KHDRBS2: variants seen among roughly 807,000 people sequenced by gnomAD.
KHDRBS2 encodes the protein KH RNA binding domain containing, signal transduction associated 2.
KHDRBS2 carries 26 observed loss-of-function variants against 44.3 expected under a neutral mutation model. The observed-to-expected ratio is 0.59, with a 90% CI of 0.43 to 0.81. The LOEUF is 0.81. KHDRBS2 is among the 40% of genes least tolerant of loss of function. KHDRBS2 has a pLI of 0.00. For synonymous variants in KHDRBS2, 194 were observed against 151.1 expected (o/e 1.28, Z -2.08); for missense variants, 476 against 433.1 (o/e 1.10, Z -0.88).
intron 6 of KHDRBS2, among the ~76,000 whole-genome samples, chr6:61,861,614 T>C (rs1796981440): frequency 6.6e-6 from 1 of 151,914 alleles, no homozygotes; most frequent in Non-Finnish European, 1.5e-5. Context: ...TTCAATTACT[T>C]GTAGCCGTGT....
intron 6 of KHDRBS2, among the ~76,000 whole-genome samples, chr6:61,820,914 C>T (rs1427637743): frequency 8.5e-5 from 13 of 152,080 alleles, no homozygotes; most frequent in African/African-American, 7.2e-5. Flanking sequence ...TAGCCATATA[C>T]GTGTGGCACC....
At chr6:62,138,103 G>A (rs1297850313) in intron 2 of KHDRBS2, among the ~76,000 whole-genome samples, 1 of 152,182 alleles carries the variant, frequency 6.6e-6, no homozygotes, top group Non-Finnish European at 1.5e-5. Context: ...AACCACAATT[G>A]ATCACTATAT....
At chr6:61,864,233 G>C (rs1410001281) in intron 6 of KHDRBS2, among the ~76,000 whole-genome samples, 1 of 152,078 alleles carries the variant, frequency 6.6e-6, no homozygotes, top group Non-Finnish European at 1.5e-5. Context: ...TATCCAGCTT[G>C]CCACTCTGTG....
intron 2 of KHDRBS2, among the ~76,000 whole-genome samples, chr6:62,114,231 C>A (rs2150077388): frequency 6.6e-6 from 1 of 152,206 alleles, no homozygotes; most frequent in South Asian, 2.1e-4. Flanking sequence ...ATATCAATTC[C>A]TATCCTGTGG....
chr6:61,822,894 A>G (rs1378378949), intron 6 of KHDRBS2, among the ~76,000 whole-genome samples: 1 of 151,992 alleles, frequency 6.6e-6, no homozygotes, highest in Non-Finnish European at 1.5e-5. Context: ...TTCTACTACA[A>G]TCCTTGAAAC....
chr6:61,863,035 T>A lies in KHDRBS2; in HGVS notation c.810+31600A>T, dbSNP rs183085063. Among the ~76,000 whole-genome samples the A allele has an allele frequency of 2.0e-3, 299 of 152,234 alleles. 2 individuals are homozygous for A. The highest frequency in any genetic ancestry group is 7.1e-3 in the African/African-American group (293 of 41,558). The stretch of plus-strand genomic sequence containing the variant: ...TCTTGGGAGGGTGTATGTCTCCTAT[T>A]TATCCATTTTTTCCTAGATTTTGTT... On this transcript the variant is annotated intron_variant, in intron 6 of 8. Coordinates refer to ENST00000281156, the MANE Select transcript of KHDRBS2 (RefSeq NM_152688.4).
the KHDRBS2 span, among the ~76,000 whole-genome samples, chr6:61,565,491 G>C: frequency 6.6e-6 from 1 of 152,026 alleles, no homozygotes; most frequent in Non-Finnish European, 1.5e-5. Flanking sequence ...AATTTAATTT[G>C]TAAATGGGCA....
intron 3 of KHDRBS2, among the ~76,000 whole-genome samples, chr6:61,983,239 T>TCTTTCTTTCTTTCTCTCTTTCTTTC (rs1554304684): frequency 1.2e-5 from 1 of 83,186 alleles, no homozygotes; most frequent in African/African-American, 4.2e-5. Context: ...TTTCTTTCTT[T>TCTTTCTTTCTTTCTCTCTTTCTTTC]TTTTTTTTTT....
chr6:61,662,420 C>CTTCT, the KHDRBS2 span, among the ~76,000 whole-genome samples: 2 of 151,662 alleles, frequency 1.3e-5, no homozygotes, highest in Non-Finnish European at 2.9e-5. Flanking sequence ...AACTAAAGAG[C>CTTCT]TTCTGCACAG....
At chr6:61,874,814 T>C (rs1031172793) in intron 6 of KHDRBS2, among the ~76,000 whole-genome samples, 2 of 152,102 alleles carry the variant, frequency 1.3e-5, no homozygotes, top group Non-Finnish European at 2.9e-5. Context: ...ACTGATGCCA[T>C]GATGTAAAGT....
At chr6:61,789,785 T>C (rs1437269829) in intron 6 of KHDRBS2, among the ~76,000 whole-genome samples, 1 of 151,506 alleles carries the variant, frequency 6.6e-6, no homozygotes, top group Non-Finnish European at 1.5e-5. Flanking sequence ...AATGGATGCA[T>C]GGCCACATGT....
At chr6:61,922,981 A>T (rs1338444129) in intron 4 of KHDRBS2, among the ~76,000 whole-genome samples, 2 of 152,150 alleles carry the variant, frequency 1.3e-5, no homozygotes, top group Non-Finnish European at 2.9e-5. Context: ...TTGACCCAGA[A>T]TTGATACAAA....
At chr6:61,648,431 A>G in the KHDRBS2 span, among the ~76,000 whole-genome samples, 1 of 152,188 alleles carries the variant, frequency 6.6e-6, no homozygotes, top group Admixed American at 6.6e-5. Flanking sequence ...GAAGTCCTCT[A>G]TCACTACATT....
chr6:62,171,129 G>A (rs1383240494), intron 2 of KHDRBS2, among the ~76,000 whole-genome samples: 1 of 152,034 alleles, frequency 6.6e-6, no homozygotes, highest in African/African-American at 2.4e-5. Flanking sequence ...GGCTGAACTG[G>A]GTGAAATGGC....
intron 6 of KHDRBS2, among the ~76,000 whole-genome samples, chr6:61,891,581 C>T (rs1349189404): frequency 6.6e-6 from 1 of 151,996 alleles, no homozygotes; most frequent in Non-Finnish European, 1.5e-5. Context: ...TTTTGGGATG[C>T]AAGACTGGTT....
chr6:62,230,011 C>T (rs1489856615), intron 1 of KHDRBS2, among the ~76,000 whole-genome samples: 1 of 152,166 alleles, frequency 6.6e-6, no homozygotes, highest in Non-Finnish European at 1.5e-5. Flanking sequence ...CCTTCTGAAA[C>T]CTGGACATTC....
At chr6:62,248,505 C>T (rs9454721) in intron 1 of KHDRBS2, among the ~76,000 whole-genome samples, 5,232 of 151,916 alleles carry the variant, frequency 0.034, 299 homozygotes, top group African/African-American at 0.12. Context: ...ATTACAGGTA[C>T]GCACCACCAC....
At chr6:62,094,468 T>G (rs1800140596) in intron 2 of KHDRBS2, among the ~76,000 whole-genome samples, 2 of 151,974 alleles carry the variant, frequency 1.3e-5, no homozygotes, top group Non-Finnish European at 2.9e-5. Flanking sequence ...GCATATATAT[T>G]CTCTCATTTT....
intron 2 of KHDRBS2, among the ~76,000 whole-genome samples, chr6:62,073,479 G>C (rs772944394): frequency 4.1e-5 from 6 of 144,800 alleles, no homozygotes; most frequent in Non-Finnish European, 9.1e-5. Context: ...TGCTAATTTT[G>C]CTCATCTTTA....
Sources: allele counts gnomAD v4.1 joint callset (sites outside exome capture counted in the v4.1 genomes callset), GRCh38; gene constraint gnomAD v4.1.1; transcripts MANE v1.5; gene names NCBI Gene and HGNC (gene_info 2026-07-23, HGNC 2026-07-21).